The following UBE2V2 variants were observed in gnomAD, a reference collection of about 807,000 sequenced individuals.
UBE2V2 encodes ubiquitin conjugating enzyme E2 V2, also known as ubiquitin-conjugating enzyme E2 variant 2.
UBE2V2 carries 9 observed loss-of-function variants against 17.2 expected under a neutral mutation model. The ratio of observed to expected loss-of-function variants is 0.52; its 90% CI spans 0.32 to 0.91. The LOEUF is 0.91. Ranked by LOEUF, UBE2V2 falls within the 40% of genes least tolerant of loss-of-function variation. The pLI, the probability that UBE2V2 is intolerant of heterozygous loss-of-function variation, is 0.04. For synonymous variants in UBE2V2, 61 were observed against 57.5 expected (o/e 1.06, Z -0.28); for missense variants, 133 against 182.6 (o/e 0.73, Z 1.56).
intron 3 of UBE2V2, among the ~76,000 whole-genome samples, chr8:48,055,523 C>T (rs1327026246): frequency 6.6e-6 from 1 of 152,000 alleles, no homozygotes; most frequent in Non-Finnish European, 1.5e-5. Flanking sequence ...ATAAATATCA[C>T]TCTAAAATTA....
intron 1 of UBE2V2, among the ~76,000 whole-genome samples, chr8:48,038,281 GCCCAGAGGTCATCAATAT>G (rs1284934960): frequency 1.3e-5 from 2 of 151,934 alleles, no homozygotes; most frequent in Non-Finnish European, 2.9e-5. Flanking sequence ...CTTTCTCTTT[GCCCAGAGGTCATCAATAT>G]CCTGATTTTT....
At chr8:48,023,485 G>A (rs2091319171) in intron 1 of UBE2V2, among the ~76,000 whole-genome samples, 1 of 151,920 alleles carries the variant, frequency 6.6e-6, no homozygotes, top group East Asian at 1.9e-4. Flanking sequence ...CAAAGTGCTG[G>A]GATCACAGGT....
chr8:48,039,568 TTCTTG>T (rs1389911479), intron 1 of UBE2V2, among the ~76,000 whole-genome samples: 9 of 152,214 alleles, frequency 5.9e-5, no homozygotes, highest in African/African-American at 1.9e-4. Context: ...TTGAATAACG[TTCTTG>T]TCTTCTATAT....
At chr8:48,023,875 C>CA (rs142431902) in intron 1 of UBE2V2, among the ~76,000 whole-genome samples, 8,522 of 151,784 alleles carry the variant, frequency 0.056, 314 homozygotes, top group Non-Finnish European at 0.087. Context: ...GACCCTGTCT[C>CA]AAAAAAACAA....
upstream of UBE2V2, among the ~76,000 whole-genome samples, chr8:48,007,692 G>A (rs1039831340): frequency 6.7e-6 from 1 of 150,312 alleles, no homozygotes; most frequent in African/African-American, 2.5e-5. Flanking sequence ...TAGGATTACA[G>A]AAGTGAGCTT....
intron 1 of UBE2V2, among the ~76,000 whole-genome samples, chr8:48,023,975 A>G (rs987609232): frequency 1.3e-5 from 2 of 152,280 alleles, no homozygotes; most frequent in African/African-American, 4.8e-5. Context: ...AATAAGTTTG[A>G]CATATGTAAG....
chr8:48,018,978 C>T (rs757277918), intron 1 of UBE2V2, among the ~76,000 whole-genome samples: 4 of 152,108 alleles, frequency 2.6e-5, no homozygotes, highest in Non-Finnish European at 5.9e-5. Flanking sequence ...TGCCTGTAAT[C>T]CCAGCACTTT....
At chr8:48,035,422 C>T (rs2091415872) in intron 1 of UBE2V2, among the ~76,000 whole-genome samples, 1 of 151,704 alleles carries the variant, frequency 6.6e-6, no homozygotes, top group Admixed American at 6.6e-5. Flanking sequence ...CGCCCTGCCA[C>T]TGCTCCCCTC....
intron 1 of UBE2V2, among the ~76,000 whole-genome samples, chr8:48,035,749 A>T (rs1203384762): frequency 2.6e-5 from 3 of 117,288 alleles, no homozygotes; most frequent in Non-Finnish European, 1.6e-5. Context: ...CAGGAGCTGG[A>T]ATTACAGGTA....
intron 1 of UBE2V2, among the ~76,000 whole-genome samples, chr8:48,023,776 T>C (rs890186409): frequency 4.6e-5 from 7 of 151,976 alleles, no homozygotes; most frequent in African/African-American, 1.7e-4. Context: ...CTTGGGAGGC[T>C]GAGGTGGGAG....
chr8:48,062,717 G>A lies in UBE2V2; in HGVS notation c.*1889G>A, dbSNP rs1802614796. 6.6e-6 allele frequency: 1 copy of A among 151,952 alleles called. No homozygotes were observed. Among genetic ancestry groups the A allele is most frequent in the Non-Finnish European group, 1.5e-5 (1 of 67,990 alleles). 9.4% of individuals were successfully genotyped at this position (151,952 alleles called of 1,614,324 possible). On this transcript the variant is annotated 3_prime_UTR_variant, in exon 4 of 4. Transcript: ENST00000523111. ...TTTATCAAGCTCATATAAAGTTAAA[G>A]CTTTGAGCTACCTTTTCTTGGCCAA...
At chr8:48,060,627 G>C in intron 3 of UBE2V2, 55 bp from the exon 4 acceptor site, 1 of 1,335,662 alleles carries the variant, frequency 7.5e-7, no homozygotes, top group Admixed American at 3.0e-5. Context: ...TTAACAAATT[G>C]GTGCCATAGT....
At chr8:48,031,461 T>C (rs1397299233) in intron 1 of UBE2V2, among the ~76,000 whole-genome samples, 2 of 152,174 alleles carry the variant, frequency 1.3e-5, no homozygotes, top group Non-Finnish European at 2.9e-5. Context: ...GGTGATTTTT[T>C]GGCAGTGGCT....
chr8:48,058,254 G>T (rs1408486321), intron 3 of UBE2V2, among the ~76,000 whole-genome samples: 1 of 151,712 alleles, frequency 6.6e-6, no homozygotes, highest in Non-Finnish European at 1.5e-5. Flanking sequence ...GGATCATGAG[G>T]TCAGGAGTTC....
intron 1 of UBE2V2, among the ~76,000 whole-genome samples, chr8:48,013,417 G>C (rs2091246844): frequency 6.6e-6 from 1 of 150,852 alleles, no homozygotes; most frequent in African/African-American, 2.4e-5. Context: ...ATGCCATTCT[G>C]TGGCCTCAGC....
chr8:48,059,123 C>T (rs1177930066), intron 3 of UBE2V2, among the ~76,000 whole-genome samples: 3 of 151,956 alleles, frequency 2.0e-5, no homozygotes, highest in Non-Finnish European at 2.9e-5. Context: ...TTAGTAGAGA[C>T]GGGGTTTCAC....
intron 1 of UBE2V2, among the ~76,000 whole-genome samples, chr8:48,025,189 G>A (rs918612446): frequency 4.6e-5 from 7 of 151,976 alleles, no homozygotes; most frequent in Middle Eastern, 3.4e-3. Context: ...TGCCTGCCTC[G>A]GCCTCCCAAA....
At chr8:48,038,804 T>C (rs2091441851) in intron 1 of UBE2V2, among the ~76,000 whole-genome samples, 1 of 152,042 alleles carries the variant, frequency 6.6e-6, no homozygotes, top group African/African-American at 2.4e-5. Context: ...TTTGTATTTT[T>C]AGTAGAGACA....
intron 3 of UBE2V2, among the ~76,000 whole-genome samples, chr8:48,051,506 C>G (rs1718047234): frequency 6.6e-6 from 1 of 152,168 alleles, no homozygotes; most frequent in African/African-American, 2.4e-5. Flanking sequence ...TCCTTCTCAT[C>G]TGTTTACCAT....
Sources: gnomAD v4.1 joint callset for allele counts (sites outside exome capture counted in the v4.1 genomes callset) on GRCh38, gnomAD v4.1.1 for gene constraint, MANE v1.5 for transcripts, NCBI Gene and HGNC (gene_info 2026-07-23, HGNC 2026-07-21) for gene names.